USP42: variants seen among roughly 807,000 people sequenced by gnomAD.
USP42 encodes ubiquitin specific peptidase 42, also known as ubiquitin carboxyl-terminal hydrolase 42.
A neutral mutation model predicts 113.0 loss-of-function variants in USP42; 23 were observed. The ratio of observed to expected loss-of-function variants is 0.20; its 90% CI spans 0.15 to 0.29. The LOEUF (loss-of-function observed/expected upper bound fraction) is 0.29, where lower values mean the gene tolerates loss of function less well. USP42 is among the 10% of genes least tolerant of loss of function. USP42 has a pLI of 1.00. For missense variants in USP42, 2,174 were observed against 1,779.8 expected (o/e 1.22, Z -3.99); for synonymous variants, 933 against 699.0 (o/e 1.33, Z -5.28).
upstream of USP42, among the ~76,000 whole-genome samples, chr7:6,104,027 T>C (rs1779107868): frequency 2.7e-5 from 4 of 150,880 alleles, no homozygotes; most frequent in Admixed American, 1.3e-4. Flanking sequence ...GCAGCTGCAG[T>C]GAGTTAGGTC....
intron 3 of USP42, among the ~76,000 whole-genome samples, chr7:6,119,406 G>A (rs960490016): frequency 6.6e-6 from 1 of 152,192 alleles, no homozygotes; most frequent in South Asian, 2.1e-4. Context: ...AGGAGGTGGT[G>A]ACTGCAGTGA....
At chr7:6,120,260 G>A (rs998790485) in intron 3 of USP42, among the ~76,000 whole-genome samples, 3 of 151,460 alleles carry the variant, frequency 2.0e-5, no homozygotes, top group East Asian at 2.0e-4. Context: ...CACTGCGCCC[G>A]GCCCTTTTTA....
At chr7:6,112,967 G>A (rs1490670629) in intron 2 of USP42, among the ~76,000 whole-genome samples, 4 of 145,912 alleles carry the variant, frequency 2.7e-5, no homozygotes, top group Non-Finnish European at 4.5e-5. Context: ...GCAGTGGCGC[G>A]ATCTCGGCTC....
At chr7:6,081,320 G>C in the USP42 span, 1 of 146,996 alleles carries the variant, frequency 6.8e-6, no homozygotes, top group Non-Finnish European at 1.5e-5. Flanking sequence ...CCGCGACCTA[G>C]ATCCCCACCG....
intron 3 of USP42, among the ~76,000 whole-genome samples, chr7:6,123,418 C>T (rs1272515578): frequency 3.3e-5 from 5 of 152,142 alleles, no homozygotes; most frequent in Non-Finnish European, 4.4e-5. Context: ...AATCCCAGCA[C>T]TTTGGGAGGC....
At chr7:6,117,959 A>G (rs570748755) in intron 3 of USP42, among the ~76,000 whole-genome samples, 1 of 152,226 alleles carries the variant, frequency 6.6e-6, no homozygotes, top group South Asian at 2.1e-4. Flanking sequence ...AGAGTTCTTT[A>G]TATATCCTCG....
intron 17 of USP42, among the ~76,000 whole-genome samples, chr7:6,160,296 A>G (rs1180306827): frequency 6.6e-6 from 1 of 152,208 alleles, no homozygotes; most frequent in Non-Finnish European, 1.5e-5. Flanking sequence ...AAACTTCCTG[A>G]GTGAGGGGCT....
intron 2 of USP42, among the ~76,000 whole-genome samples, chr7:6,114,686 T>A (rs1278313997): frequency 6.9e-4 from 39 of 56,634 alleles, no homozygotes; most frequent in South Asian, 1.4e-3. Flanking sequence ...ATATTTTTTT[T>A]TTTTTTTTTT....
chr7:6,082,096 T>C, the USP42 span, among the ~76,000 whole-genome samples: 1 of 151,980 alleles, frequency 6.6e-6, no homozygotes, highest in South Asian at 2.1e-4. Flanking sequence ...TACGTGTATG[T>C]ATGCAGAAAA....
In USP42 at chr7:6,115,313, A is replaced by T; in HGVS notation, c.242-10A>T. 2 of 1,613,028 alleles carry T rather than the reference A, an allele frequency of 1.2e-6. No individual in the cohort carries two copies. Among genetic ancestry groups the T allele is most frequent in the Non-Finnish European group, 1.7e-6 (2 of 1,179,600 alleles). ...CTTGGTTTCTGACTCTTTCTTGTTT[A>T]TTTTTCTAGCCCTAGGTGATGGCAT... On this transcript the variant is annotated splice_polypyrimidine_tract_variant and intron_variant, in intron 2 of 17. Coordinates refer to ENST00000306177, the MANE Select transcript of USP42 (RefSeq NM_032172.3).
At position 6,154,825 on chromosome 7, in the gene USP42, C is replaced by T. The variant is rs986674974; in HGVS notation, c.3271C>T (p.Arg1091Trp). Residue 1091 changes from arginine to tryptophan, a missense_variant, in exon 15 of 18, where the codon CGG becomes TGG. Physicochemically the swap from Arg to Trp is moderately radical, Grantham distance 101. Coordinates refer to ENST00000306177, the MANE Select transcript of USP42 (RefSeq NM_032172.3). The stretch of plus-strand genomic sequence containing the variant: ...GCACGAGCGGGCCGGGCTGCACGAG[C>T]GGCCGCACAAGGACCACAACCGGGG... ...REHERAGLHERPHKDHNRGRR... is the reference protein window; with the variant it reads ...REHERAGLHEWPHKDHNRGRR... The T allele has an allele frequency of 2.5e-5, 39 of 1,541,998 alleles. No homozygotes were observed. In the African/African-American group the frequency reaches 3.6e-4, roughly 14 times the overall value.
In USP42 at chr7:6,154,204, C is replaced by G. The variant is rs1782263237; in HGVS notation, c.2650C>G (p.Gln884Glu). 2 of 1,606,156 alleles carry G rather than the reference C, an allele frequency of 1.2e-6. No individual in the cohort carries two copies. Among genetic ancestry groups the G allele is most frequent in the East Asian group, 2.2e-5 (1 of 44,822 alleles). ...CAGCGGGGACCACGCCCGGGACGCT[C>G]AGGACCCATCCCAGAGCTTGGGCGC... ...HPSGDHARDAQDPSQSLGAPE... is the reference protein window; with the variant it reads ...HPSGDHARDAEDPSQSLGAPE... Residue 884 changes from glutamine (Q) to glutamate (E), a missense_variant, in exon 15 of 18, where the codon CAG becomes GAG. Coordinates refer to ENST00000306177, the MANE Select transcript of USP42 (RefSeq NM_032172.3).
chr7:6,091,896 C>G, the USP42 span, among the ~76,000 whole-genome samples: 1 of 150,890 alleles, frequency 6.6e-6, no homozygotes, highest in East Asian at 1.9e-4. Flanking sequence ...ATCGGCATTT[C>G]TTCCTGAAAT....
At position 6,154,826 on chromosome 7, in the gene USP42, G is replaced by A. The variant is rs1297737912; in HGVS notation, c.3272G>A (p.Arg1091Gln). 3.2e-6 allele frequency: 5 copies of A among 1,541,962 alleles called. No individual in the cohort carries two copies. The highest frequency in any genetic ancestry group is 4.4e-6 in the Non-Finnish European group (5 of 1,142,528). The change falls in exon 15 of 18, where the codon CGG (arginine) becomes CAG (glutamine). Residue 1091 changes from arginine to glutamine, a missense_variant. Transcript: ENST00000306177. ...REHERAGLHE[R>Q]PHKDHNRGRR... ...CACGAGCGGGCCGGGCTGCACGAGC[G>A]GCCGCACAAGGACCACAACCGGGGC...
chr7:6,083,044 C>T, the USP42 span, among the ~76,000 whole-genome samples: 3 of 148,966 alleles, frequency 2.0e-5, no homozygotes, highest in Admixed American at 6.7e-5. Flanking sequence ...CCTGCCTCAG[C>T]CTCCCGTGTA....
chr7:6,140,814 A>G (rs1781388964), intron 6 of USP42, 100 bp from the exon 7 acceptor site: 1 of 703,544 alleles, frequency 1.4e-6, no homozygotes, highest in Non-Finnish European at 2.4e-6. Context: ...ATTACAGTTA[A>G]AAAATTTTAA....
rs570415099 is a variant in USP42 at position 6,112,785 on chromosome 7, G to A, written c.241+1411G>A. On this transcript the variant is annotated intron_variant, in intron 2 of 17. Transcript: ENST00000306177. ...TAGTGTTAGTGTTAGTGTATTTTACGTGTGGCCCAAGACAATTTGTCTTCC... is the reference window on the plus strand; with the variant it reads ...TAGTGTTAGTGTTAGTGTATTTTACATGTGGCCCAAGACAATTTGTCTTCC... Among the ~76,000 whole-genome samples, 9 of 151,830 alleles carry A rather than the reference G, an allele frequency of 5.9e-5. No homozygotes were observed. In the South Asian group the frequency reaches 8.3e-4, roughly 14 times the overall value.
intron 1 of USP42, among the ~76,000 whole-genome samples, chr7:6,105,262 C>T (rs1307368478): frequency 1.4e-5 from 2 of 145,760 alleles, no homozygotes; most frequent in Non-Finnish European, 3.0e-5. Context: ...GGGGAGGGGG[C>T]GGCGGCCGCG....
At chr7:6,150,577 G>C in intron 14 of USP42, 71 bp downstream of exon 14, 1 of 1,255,242 alleles carries the variant, frequency 8.0e-7, no homozygotes, top group Non-Finnish European at 1.2e-6. Flanking sequence ...AGATGTGTCA[G>C]TATTTGAATG....
Sources: gnomAD v4.1 joint callset for allele counts (sites outside exome capture counted in the v4.1 genomes callset) on GRCh38, gnomAD v4.1.1 for gene constraint, MANE v1.5 for transcripts, NCBI Gene and HGNC (gene_info 2026-07-23, HGNC 2026-07-21) for gene names.